ADAM22: variants seen among roughly 807,000 people sequenced by gnomAD.
The protein encoded by ADAM22 is disintegrin and metalloproteinase domain-containing protein 22.
ADAM22 carries 65 observed loss-of-function variants against 144.6 expected under a neutral mutation model. The ratio of observed to expected loss-of-function variants is 0.45; its 90% confidence interval spans 0.37 to 0.55. The LOEUF is 0.55. ADAM22 is among the 20% of genes least tolerant of loss of function. The pLI is 0.00. For synonymous variants in ADAM22, 391 were observed against 412.6 expected (o/e 0.95, Z 0.63); for missense variants, 974 against 1,184.9 (o/e 0.82, Z 2.61).
chr7:88,068,967 G>T lies in ADAM22; in HGVS notation c.324-6659G>T, dbSNP rs113286007. 3.3e-3 allele frequency among the ~76,000 whole-genome samples: 501 copies of T among 152,232 alleles called. 1 individual carries two copies. Among genetic ancestry groups the T allele is most frequent in the African/African-American group, 0.011 (471 of 41,548 alleles). On this transcript the variant is annotated intron_variant, in intron 3 of 31. Coordinates refer to ENST00000413139, the MANE Select transcript of ADAM22 (RefSeq NM_001324418.2). ...ATCATGTTGAAATTTAATTGCCATT[G>T]TAACAGTATGAAGAGGTGGGACCTT... is the stretch of plus-strand genomic sequence containing the variant.
chr7:88,004,574 A>T (rs1793338214), intron 3 of ADAM22, among the ~76,000 whole-genome samples: 1 of 152,202 alleles, frequency 6.6e-6, no homozygotes, highest in Admixed American at 6.5e-5. Flanking sequence ...AACTCACAAA[A>T]AGCTTAAGTA....
chr7:87,983,435 T>C (rs966803241), intron 3 of ADAM22, among the ~76,000 whole-genome samples: 6 of 152,088 alleles, frequency 3.9e-5, no homozygotes, highest in African/African-American at 1.4e-4. Flanking sequence ...CTACTGTGGG[T>C]GTAATATTTT....
At chr7:88,064,619 G>C (rs1250824838) in intron 3 of ADAM22, among the ~76,000 whole-genome samples, 4 of 152,124 alleles carry the variant, frequency 2.6e-5, no homozygotes, top group Non-Finnish European at 5.9e-5. Flanking sequence ...GTGCCTTTGT[G>C]CTGTGTCCTC....
chr7:88,107,481 A>C (rs1420964559), intron 4 of ADAM22, among the ~76,000 whole-genome samples: 4 of 152,180 alleles, frequency 2.6e-5, no homozygotes, highest in Non-Finnish European at 5.9e-5. Context: ...GATTAGAGGC[A>C]TGAGCCACTG....
At chr7:88,156,145 C>A (rs1839892273) in intron 22 of ADAM22, 139 bp downstream of exon 22, 1 of 857,376 alleles carries the variant, frequency 1.2e-6, no homozygotes, top group Non-Finnish European at 1.7e-6. Context: ...TTGAGTAAAT[C>A]CTAACAGAGA....
chr7:88,154,679 A>T (rs1348805619), intron 21 of ADAM22, among the ~76,000 whole-genome samples: 2 of 152,148 alleles, frequency 1.3e-5, no homozygotes, highest in African/African-American at 2.4e-5. Context: ...TCCTGATTAC[A>T]TAGGTTCATA....
intron 2 of ADAM22, among the ~76,000 whole-genome samples, chr7:87,973,535 C>T (rs1461639018): frequency 6.6e-6 from 1 of 151,974 alleles, no homozygotes; most frequent in Non-Finnish European, 1.5e-5. Flanking sequence ...TGTGGCGATT[C>T]CTCAGGGATC....
chr7:88,155,810 T>G (rs1176334714), intron 21 of ADAM22, 77 bp from the exon 22 acceptor site: 10 of 1,510,306 alleles, frequency 6.6e-6, no homozygotes, highest in Non-Finnish European at 8.9e-6. Flanking sequence ...AATGCTAAAA[T>G]GAGAGAAGAT....
intron 3 of ADAM22, among the ~76,000 whole-genome samples, chr7:88,027,584 C>CT (rs373694240): frequency 1.3e-5 from 2 of 151,836 alleles, no homozygotes; most frequent in African/African-American, 2.4e-5. Flanking sequence ...ACTCTTTTCT[C>CT]TTTTTTTTCC....
chr7:87,990,494 C>G lies in ADAM22; in HGVS notation c.323+12082C>G, dbSNP rs111915632. ...AGAATAATTATTAAGATAACTCTAC[C>G]CAGGTATAGAACATTACCAGTATCC... On this transcript the variant is annotated intron_variant, in intron 3 of 31. Transcript: ENST00000413139. Among the ~76,000 whole-genome samples, 1,081 of 151,998 alleles carry G rather than the reference C, an allele frequency of 7.1e-3. 5 individuals carry two copies. The highest frequency in any genetic ancestry group is 0.025 in the African/African-American group (1,036 of 41,460).
intron 2 of ADAM22, among the ~76,000 whole-genome samples, chr7:87,974,754 A>T (rs899545216): frequency 6.6e-6 from 1 of 152,214 alleles, no homozygotes; most frequent in African/African-American, 2.4e-5. Flanking sequence ...AGAAGCCTGA[A>T]ATAGGTCTTA....
intron 4 of ADAM22, among the ~76,000 whole-genome samples, chr7:88,084,422 A>C (rs1413583479): frequency 6.6e-6 from 1 of 152,126 alleles, no homozygotes; most frequent in Non-Finnish European, 1.5e-5. Context: ...CTTTAAGAAA[A>C]CTGCTTTGAT....
intron 26 of ADAM22, among the ~76,000 whole-genome samples, chr7:88,175,223 A>G (rs1268055797): frequency 6.6e-6 from 1 of 152,166 alleles, no homozygotes; most frequent in Non-Finnish European, 1.5e-5. Context: ...TTAAATTTAG[A>G]ATGCTAACAT....
chr7:88,196,301 A>G (rs186937977), intron 31 of ADAM22, among the ~76,000 whole-genome samples, 170 bp from the exon 32 acceptor site: 1 of 152,332 alleles, frequency 6.6e-6, no homozygotes, highest in Admixed American at 6.5e-5. Flanking sequence ...GAGGAAACAG[A>G]GAGCTAAAAG....
chr7:87,946,568 T>C (rs1843712579), intron 2 of ADAM22, among the ~76,000 whole-genome samples: 1 of 152,218 alleles, frequency 6.6e-6, no homozygotes, highest in Non-Finnish European at 1.5e-5. Context: ...CTTCCGCATA[T>C]AACTAGCCAG....
At chr7:88,033,162 C>T (rs188521876) in intron 3 of ADAM22, among the ~76,000 whole-genome samples, 132 of 152,288 alleles carry the variant, frequency 8.7e-4, no homozygotes, top group African/African-American at 2.9e-3. Context: ...GTCTGGGCTT[C>T]TTTGTACCTG....
intron 18 of ADAM22, among the ~76,000 whole-genome samples, chr7:88,149,852 C>A (rs1317800186): frequency 1.3e-5 from 2 of 152,020 alleles, no homozygotes; most frequent in African/African-American, 4.8e-5. Context: ...TTGTAAAAAC[C>A]TTAGGAGTAG....
At chr7:87,988,377 C>G (rs1344676335) in intron 3 of ADAM22, among the ~76,000 whole-genome samples, 1 of 152,156 alleles carries the variant, frequency 6.6e-6, no homozygotes, top group African/African-American at 2.4e-5. Flanking sequence ...GAGAAAGGCA[C>G]TGTGATGCAC....
At chr7:88,074,931 G>A (rs187118698) in intron 3 of ADAM22, among the ~76,000 whole-genome samples, 70 of 152,138 alleles carry the variant, frequency 4.6e-4, no homozygotes, top group African/African-American at 1.6e-3. Flanking sequence ...ATAGCTTGAT[G>A]CATTTTTTAA....
Sources: allele counts gnomAD v4.1 joint callset (sites outside exome capture counted in the v4.1 genomes callset), GRCh38; gene constraint gnomAD v4.1.1; transcripts MANE v1.5; gene names NCBI Gene and HGNC (gene_info 2026-07-23, HGNC 2026-07-21).